Variants in SMC2 observed in about 807,000 individuals in gnomAD.
SMC2 encodes the protein structural maintenance of chromosomes 2, also known as structural maintenance of chromosomes protein 2.
In SMC2, 41 loss-of-function variants were observed where a neutral mutation model predicts 142.6. That is an observed-to-expected ratio of 0.29 (90% CI 0.22 to 0.37). The LOEUF (loss-of-function observed/expected upper bound fraction) is 0.37. Ranked by LOEUF, SMC2 falls within the 10% of genes least tolerant of loss-of-function variation. The pLI is 1.00. For missense variants in SMC2, 1,265 were observed against 1,373.7 expected, an observed-to-expected ratio of 0.92 and a Z score of 1.25; for synonymous variants, 463 against 457.5, an observed-to-expected ratio of 1.01 and a Z score of -0.15.
intron 23 of SMC2, among the ~76,000 whole-genome samples, chr9:104,136,863 G>A (rs964657856): frequency 2.0e-5 from 3 of 148,308 alleles, no homozygotes; most frequent in Admixed American, 6.8e-5. Flanking sequence ...GCAAGCCTTC[G>A]GCCAGGTATG....
At chr9:104,099,123 C>A (rs1040979331) in intron 4 of SMC2, among the ~76,000 whole-genome samples, 2 of 152,032 alleles carry the variant, frequency 1.3e-5, no homozygotes, top group South Asian at 2.1e-4. Context: ...TCTAGTAATA[C>A]AATTCTCTGA....
At chr9:104,139,059 A>G (rs576170457) in intron 24 of SMC2, 80 bp from the exon 25 acceptor site, 37 of 840,230 alleles carry the variant, frequency 4.4e-5, no homozygotes, top group Admixed American at 2.3e-4. Context: ...TCTCCAAACC[A>G]TTCTTATCAC....
rs150817975 is a variant in SMC2 at position 104,118,287 on chromosome 9, C to T, written c.1908C>T (p.Ala636=). 2 of 1,612,792 alleles carry T rather than the reference C, an allele frequency of 1.2e-6. No homozygotes were observed. Among genetic ancestry groups the T allele is most frequent in the Non-Finnish European group, 8.5e-7 (1 of 1,179,542 alleles). ...TTGTTTGTGACAATATGGATAATGC[C>T]AAAAAAGTGGCCTTTGATAAGAGGA... ...TTFVCDNMDN[A]KKVAFDKRIM... is the part of the protein sequence containing the mutation. Residue 636 remains alanine (A), a synonymous_variant, in exon 15 of 25, where the codon GCC becomes GCT. Coordinates refer to ENST00000374793, the MANE Select transcript of SMC2 (RefSeq NM_006444.3).
At chr9:104,126,984 C>A (rs956615438) in intron 19 of SMC2, among the ~76,000 whole-genome samples, 200 bp downstream of exon 19, 6 of 152,018 alleles carry the variant, frequency 3.9e-5, no homozygotes, top group African/African-American at 1.2e-4. Context: ...CCCTCTTCTT[C>A]CTCACTTAGT....
rs746241556 is a variant in SMC2 at position 104,100,445 on chromosome 9, A to G, written c.636+12A>G. 6.3e-6 allele frequency: 9 copies of G among 1,424,414 alleles called. No homozygotes were observed. The African/African-American group carries it at 1.1e-4, about 18-fold the overall frequency. 88.2% of individuals were successfully genotyped at this position (1,424,414 alleles called of 1,614,324 possible). A position where few individuals can be genotyped will look rare whatever the true frequency, so the allele number is the denominator to read the frequency against. On this transcript the variant is annotated intron_variant, in intron 7 of 24. Coordinates refer to ENST00000374793, the MANE Select transcript of SMC2 (RefSeq NM_006444.3). ...AAAAATTAAAAGAGGTATATTCTGT[A>G]TATGTGAGGATAATCTATTAGAATG... is the stretch of plus-strand genomic sequence containing the variant.
intron 22 of SMC2, among the ~76,000 whole-genome samples, chr9:104,133,883 T>G (rs1835245535): frequency 6.6e-6 from 1 of 152,182 alleles, no homozygotes; most frequent in Non-Finnish European, 1.5e-5. Flanking sequence ...ATGCCCCTTT[T>G]TCTCCTGGGC....
intron 23 of SMC2, 118 bp from the exon 24 acceptor site, chr9:104,137,900 A>G (rs1270454743): frequency 3.6e-6 from 2 of 556,442 alleles, no homozygotes; most frequent in Non-Finnish European, 5.6e-6. Context: ...TTTTTTTTAT[A>G]TGACTACCTT....
chr9:104,122,491 C>G (rs535113376), intron 16 of SMC2, among the ~76,000 whole-genome samples: 1 of 150,674 alleles, frequency 6.6e-6, no homozygotes, highest in South Asian at 2.1e-4. Context: ...TTCCTCAGAC[C>G]TCATGATTTC....
In SMC2 at chr9:104,140,724, G is replaced by T. The variant is rs537480005; in HGVS notation, c.*1409G>T. The stretch of plus-strand genomic sequence containing the variant: ...TACAGAAAGTCCAATGTCAAATATA[G>T]TTTTTTTGTTTCCTTTCAAATGTAT... On this transcript the variant is annotated 3_prime_UTR_variant, in exon 25 of 25. Coordinates refer to ENST00000374793, the MANE Select transcript of SMC2 (RefSeq NM_006444.3). 2.6e-5 allele frequency: 4 copies of T among 151,712 alleles called. No homozygotes were observed. Among genetic ancestry groups the T allele is most frequent in the Admixed American group, 2.6e-4 (4 of 15,248 alleles). The allele number at this position is 151,712 out of a possible 1,614,324, so 9.4% of individuals were successfully genotyped here.
At chr9:104,094,701 A>G in intron 1 of SMC2, 1 of 345,822 alleles carries the variant, frequency 2.9e-6, no homozygotes, top group Non-Finnish European at 5.2e-6. Flanking sequence ...GCCTGAGTAA[A>G]AGCAAGAAGT....
intron 3 of SMC2, among the ~76,000 whole-genome samples, chr9:104,096,773 C>T (rs1446069797): frequency 6.6e-6 from 1 of 152,162 alleles, no homozygotes; most frequent in Non-Finnish European, 1.5e-5. Flanking sequence ...AAGTGATGTG[C>T]AAGTATATGT....
At chr9:104,102,644 T>C in intron 9 of SMC2, 71 bp downstream of exon 9, 6 of 1,410,604 alleles carry the variant, frequency 4.3e-6, no homozygotes, top group Non-Finnish European at 5.7e-6. Flanking sequence ...TACATTTATC[T>C]ATTCCATGAA....
chr9:104,127,873 A>T (rs1191697175), intron 20 of SMC2, among the ~76,000 whole-genome samples: 4 of 152,142 alleles, frequency 2.6e-5, no homozygotes, highest in Non-Finnish European at 4.4e-5. Context: ...CAGGTAATCT[A>T]AAAAAAGGAC....
Position 104,127,319 on chromosome 9 carries a change from A to AAGCAAAAAGAGGTGATAACAGCC in SMC2, c.2630_2652dup (p.Gln885SerfsTer5). On this transcript the variant is annotated frameshift_variant, in exon 20 of 25. Transcript: ENST00000374793. LOFTEE classifies it high-confidence loss of function. ...AAATAAAGCTCAAGAAGAGGTGACC[A>AAGCAAAAAGAGGTGATAACAGCC]AGCAAAAAGAGGTGATAACAGCCCA... 6.3e-7 allele frequency: 1 copy of AAGCAAAAAGAGGTGATAACAGCC among 1,597,142 alleles called. No individual in the cohort carries two copies. The highest frequency in any genetic ancestry group is 8.5e-7 in the Non-Finnish European group (1 of 1,171,368).
At chr9:104,127,674 T>C (rs1411181742) in intron 20 of SMC2, among the ~76,000 whole-genome samples, 194 bp downstream of exon 20, 1 of 152,198 alleles carries the variant, frequency 6.6e-6, no homozygotes, top group Non-Finnish European at 1.5e-5. Context: ...AATGTTTTAT[T>C]TTTAGATTTA....
intron 9 of SMC2, among the ~76,000 whole-genome samples, chr9:104,111,105 T>A (rs1377308483): frequency 6.6e-6 from 1 of 152,224 alleles, no homozygotes; most frequent in Non-Finnish European, 1.5e-5. Flanking sequence ...AGCTATCTGG[T>A]AGTATTACTT....
Position 104,099,679 on chromosome 9 carries a change from A to G in SMC2, c.477A>G (p.Pro159=). ...RITKVLNMKP[P]EILSMIEEAA... is the part of the protein sequence containing the mutation. ...CAAAAGTATTGAATATGAAACCTCC[A>G]GAGGTAAGAGTACTATTTATGGACA... is the stretch of plus-strand genomic sequence containing the variant. Residue 159 remains proline (P), a synonymous_variant, in exon 5 of 25, where the codon CCA becomes CCG. Coordinates refer to ENST00000374793, the MANE Select transcript of SMC2 (RefSeq NM_006444.3). 6.4e-7 allele frequency: 1 copy of G among 1,556,730 alleles called. No homozygotes were observed. Among genetic ancestry groups the G allele is most frequent in the Non-Finnish European group, 8.9e-7 (1 of 1,128,764 alleles).
In SMC2 at chr9:104,114,755, A is replaced by G; in HGVS notation, c.1597A>G (p.Lys533Glu). 1 of 1,613,128 alleles carries G rather than the reference A, an allele frequency of 6.2e-7. No individual in the cohort carries two copies. The highest frequency in any genetic ancestry group is 8.5e-7 in the Non-Finnish European group (1 of 1,179,252). ...ACTTGTGGCTTCTCTGATTAGTGTG[A>G]AAGACACTTCTGCAACCACAGCTTT... ...KGLVASLISVKDTSATTALEL... is the reference protein window; with the variant it reads ...KGLVASLISVEDTSATTALEL... Residue 533 changes from lysine (K) to glutamate (E), a missense_variant, in exon 13 of 25, where the codon AAA (lysine) becomes GAA (glutamate). Physicochemically the swap from Lys to Glu is moderately conservative, Grantham distance 56 (BLOSUM62 1). Around this residue, in one of 4 missense-constraint regions of SMC2, gnomAD observed 898 missense variants for 904.2 expected, o/e 0.99. Coordinates refer to ENST00000374793, the MANE Select transcript of SMC2 (RefSeq NM_006444.3).
chr9:104,120,919 A>T (rs1007256448), intron 16 of SMC2, among the ~76,000 whole-genome samples: 1 of 152,164 alleles, frequency 6.6e-6, no homozygotes, highest in Non-Finnish European at 1.5e-5. Flanking sequence ...GGAGAAGCGG[A>T]TGATAAAGAA....
Sources: gnomAD v4.1 joint callset for allele counts (sites outside exome capture counted in the v4.1 genomes callset) on GRCh38, gnomAD v4.1.1 for gene constraint, gnomAD v4.1.1 regional missense constraint, MANE v1.5 for transcripts, NCBI Gene and HGNC (gene_info 2026-07-23, HGNC 2026-07-21) for gene names.